Variants in RIMBP2 observed in about 807,000 individuals in gnomAD.
The protein encoded by RIMBP2 is RIMS binding protein 2, also known as RIMS-binding protein 2.
In RIMBP2, 48 loss-of-function variants were observed where a neutral mutation model predicts 118.6. The ratio of observed to expected loss-of-function variants is 0.40; its 90% CI spans 0.32 to 0.51. The LOEUF (loss-of-function observed/expected upper bound fraction) is 0.51, where lower values mean the gene tolerates loss of function less well. Ranked by LOEUF, RIMBP2 falls within the 20% of genes least tolerant of loss-of-function variation. The pLI, the probability that RIMBP2 is intolerant of heterozygous loss-of-function variation, is 0.41. For missense variants in RIMBP2, 1,551 were observed against 1,768.3 expected, an observed-to-expected ratio of 0.88 and a Z score of 2.20; for synonymous variants, 762 against 742.9, an observed-to-expected ratio of 1.03 and a Z score of -0.42.
intron 2 of RIMBP2, among the ~76,000 whole-genome samples, chr12:130,593,305 A>C (rs941001521): frequency 6.6e-6 from 1 of 152,030 alleles, no homozygotes; most frequent in Non-Finnish European, 1.5e-5. Flanking sequence ...CCCACCACTA[A>C]ATGGCTGGGC....
intron 2 of RIMBP2, among the ~76,000 whole-genome samples, chr12:130,586,646 T>C (rs58956502): frequency 0.11 from 15,225 of 141,406 alleles, 1,107 homozygotes; most frequent in African/African-American, 0.21. Context: ...TGAAACTGGA[T>C]CCCTTCCTTA....
intron 2 of RIMBP2, among the ~76,000 whole-genome samples, chr12:130,557,891 A>C (rs2056500193): frequency 6.6e-6 from 1 of 152,122 alleles, no homozygotes; most frequent in African/African-American, 2.4e-5. Context: ...GCCCCTTCCC[A>C]GTGAGCAGCT....
At chr12:130,539,572 CGATGGGGTGG>C (rs2054385839) in intron 2 of RIMBP2, among the ~76,000 whole-genome samples, 1 of 140,252 alleles carries the variant, frequency 7.1e-6, no homozygotes, top group Admixed American at 7.1e-5. Context: ...CAAATGCAGT[CGATGGGGTGG>C]CCAGGTGTAG....
intron 16 of RIMBP2, among the ~76,000 whole-genome samples, chr12:130,423,478 G>T (rs925357158): frequency 6.6e-6 from 1 of 152,118 alleles, no homozygotes; most frequent in African/African-American, 2.4e-5. Flanking sequence ...CAAATGTTCC[G>T]AAAAGAGGAC....
intron 1 of RIMBP2, among the ~76,000 whole-genome samples, chr12:130,701,314 G>A (rs189741570): frequency 2.2e-4 from 34 of 152,330 alleles, no homozygotes; most frequent in African/African-American, 6.7e-4. Context: ...GCCTTGGAGT[G>A]TTCTATAAAT....
chr12:130,541,018 A>G (rs2054553836), intron 2 of RIMBP2, among the ~76,000 whole-genome samples: 1 of 152,176 alleles, frequency 6.6e-6, no homozygotes, highest in Non-Finnish European at 1.5e-5. Flanking sequence ...AAGAGCTGAG[A>G]TGAACACTCT....
chr12:130,459,826 C>T (rs1390058756), intron 6 of RIMBP2, among the ~76,000 whole-genome samples: 4 of 152,138 alleles, frequency 2.6e-5, no homozygotes, highest in Non-Finnish European at 5.9e-5. Context: ...GCTGCATACT[C>T]TCTGTGGTTT....
chr12:130,597,936 A>G (rs1056723744), intron 2 of RIMBP2, among the ~76,000 whole-genome samples: 1 of 152,234 alleles, frequency 6.6e-6, no homozygotes, highest in Non-Finnish European at 1.5e-5. Flanking sequence ...ATTGGAAAAG[A>G]AGGAGGAAAA....
At chr12:130,449,367 G>A (rs562852328) in intron 9 of RIMBP2, among the ~76,000 whole-genome samples, 6 of 152,370 alleles carry the variant, frequency 3.9e-5, no homozygotes, top group Non-Finnish European at 5.9e-5. Flanking sequence ...GGAAGCTCCC[G>A]TGGAGGACCT....
intron 1 of RIMBP2, among the ~76,000 whole-genome samples, chr12:130,709,972 G>A (rs1416465201): frequency 6.6e-6 from 1 of 152,104 alleles, no homozygotes; most frequent in Admixed American, 6.5e-5. Context: ...TCCACCCAAA[G>A]GGACACCATG....
intron 21 of RIMBP2, among the ~76,000 whole-genome samples, chr12:130,403,542 A>G (rs1371235114): frequency 6.6e-6 from 1 of 152,212 alleles, no homozygotes; most frequent in Non-Finnish European, 1.5e-5. Context: ...AACTGATAAG[A>G]TAACCATTTA....
chr12:130,522,425 G>A (rs1197559524), intron 2 of RIMBP2, among the ~76,000 whole-genome samples: 1 of 152,230 alleles, frequency 6.6e-6, no homozygotes, highest in Admixed American at 6.5e-5. Context: ...TGTCCCTCCT[G>A]CGGGTGCCAC....
Position 130,424,372 on chromosome 12 carries a change from G to A in RIMBP2, c.2899C>T (p.Gln967Ter). ...LLARRRTLTRQSSVEEDFGEQ... is the reference protein window; with the variant it reads ...LLARRRTLTR ...CCAAAGTCCTCCTCCACGCTGCTCT[G>A]CCGGGTCAGCGTCCGCCGCCGGGCC... Residue 967 changes from glutamine (Q) to a stop codon, truncating the protein, a stop_gained, in exon 16 of 23, where the codon CAG (glutamine) becomes TAG (stop). Coordinates refer to ENST00000690449, the MANE Select transcript of RIMBP2 (RefSeq NM_001393629.1). LOFTEE classifies it high-confidence loss of function. This position sits in a 1 kb window ranked among gnomAD's most constrained non-coding sequence, Gnocchi z 9.8. 8.1e-7 allele frequency: 1 copy of A among 1,232,744 alleles called. No homozygotes were observed. Among genetic ancestry groups the A allele is most frequent in the Non-Finnish European group, 1.0e-6 (1 of 988,200 alleles). 76.4% of individuals were successfully genotyped at this position (1,232,744 alleles called of 1,614,324 possible). A position where few individuals can be genotyped will look rare whatever the true frequency, so the allele number is the denominator to read the frequency against.
chr12:130,629,222 A>T (rs1355801651), intron 1 of RIMBP2, among the ~76,000 whole-genome samples: 1 of 152,228 alleles, frequency 6.6e-6, no homozygotes, highest in Non-Finnish European at 1.5e-5. Context: ...GAGTGAGAGG[A>T]AGGATAAAAA....
intron 1 of RIMBP2, among the ~76,000 whole-genome samples, chr12:130,672,380 C>T (rs2064241153): frequency 6.6e-6 from 1 of 152,236 alleles, no homozygotes; most frequent in South Asian, 2.1e-4. Context: ...TGGCTAAACA[C>T]CGCTTCACAG....
chr12:130,574,932 G>C (rs1244173173), intron 2 of RIMBP2, among the ~76,000 whole-genome samples: 1 of 151,426 alleles, frequency 6.6e-6, no homozygotes, highest in Non-Finnish European at 1.5e-5. Context: ...GAGTGCTGAT[G>C]CCCTGTGCCA....
chr12:130,653,416 G>T (rs1330582350), intron 1 of RIMBP2, among the ~76,000 whole-genome samples: 1 of 152,254 alleles, frequency 6.6e-6, no homozygotes, highest in African/African-American at 2.4e-5. Context: ...GCACACTGGT[G>T]CAAGGGGTAG....
intron 2 of RIMBP2, among the ~76,000 whole-genome samples, chr12:130,589,607 T>C (rs1324097159): frequency 6.6e-6 from 1 of 152,204 alleles, no homozygotes. Flanking sequence ...GCCCAGTTTG[T>C]TCTCACCACA....
Position 130,455,642 on chromosome 12 carries a change from T to C in RIMBP2, c.358+854A>G, listed in dbSNP as rs141252655. Among the ~76,000 whole-genome samples the C allele has an allele frequency of 4.0e-3, 604 of 152,356 alleles. 11 individuals are homozygous for C. The highest frequency in any genetic ancestry group is 0.035 in the Admixed American group (542 of 15,300). On this transcript the variant is annotated intron_variant, in intron 7 of 22. Transcript: ENST00000690449. ...TTAGCAAGACACAAGTGGCATCTCC[T>C]TATTTTAATGATAAAAAGCACCCAA...
Sources: allele counts gnomAD v4.1 joint callset (sites outside exome capture counted in the v4.1 genomes callset), GRCh38; gene constraint gnomAD v4.1.1; non-coding constraint Gnocchi (gnomAD v3.1); transcripts MANE v1.5; gene names NCBI Gene and HGNC (gene_info 2026-07-23, HGNC 2026-07-21).